The following CACNA1H variants were observed in gnomAD, a reference collection of about 807,000 sequenced individuals.
CACNA1H encodes calcium voltage-gated channel subunit alpha1 H.
Under a neutral mutation model 192.5 loss-of-function variants are expected in CACNA1H, and 149 were observed. That is an observed-to-expected ratio of 0.77 (90% CI 0.68 to 0.89). CACNA1H has a LOEUF of 0.89. Among genes scored for constraint, CACNA1H ranks in the 40% least tolerant of loss-of-function variants. CACNA1H has a pLI of 0.00. For missense variants in CACNA1H, 4,257 were observed against 3,423.5 expected, an observed-to-expected ratio of 1.24 and a Z score of -6.08; for synonymous variants, 2,202 against 1,475.2, an observed-to-expected ratio of 1.49 and a Z score of -11.29.
intron 2 of CACNA1H, among the ~76,000 whole-genome samples, chr16:1,184,649 G>A (rs1399911118): frequency 6.6e-6 from 1 of 152,250 alleles, no homozygotes; most frequent in African/African-American, 2.4e-5. Context: ...TGGCCGGGTG[G>A]GTCTGGGGCA....
intron 31 of CACNA1H, among the ~76,000 whole-genome samples, chr16:1,217,615 C>T (rs911019087): frequency 3.9e-5 from 6 of 152,212 alleles, no homozygotes; most frequent in African/African-American, 1.2e-4. Context: ...TTTGGTCAGC[C>T]GGCGCCTACT....
At chr16:1,203,375 G>A (rs1353506833) in intron 9 of CACNA1H, among the ~76,000 whole-genome samples, 3 of 152,024 alleles carry the variant, frequency 2.0e-5, no homozygotes, top group South Asian at 2.1e-4. Context: ...TGCTGTGGCT[G>A]CTGGGAAGTG....
Position 1,213,880 on chromosome 16 carries a change from C to G in CACNA1H, c.4878C>G (p.Ile1626Met), listed in dbSNP as rs199788717. 2 of 1,611,772 alleles carry G rather than the reference C, an allele frequency of 1.2e-6. No individual in the cohort carries two copies. The highest frequency in any genetic ancestry group is 2.2e-5 in the East Asian group (1 of 44,798). ...ATCTCGACCTCTTCATCACCTTCAT[C>G]ATCTGTGTCAACGTCATCACCATGT... ...SHYLDLFITFIICVNVITMSM... is the reference protein window; with the variant it reads ...SHYLDLFITFMICVNVITMSM... Residue 1626 changes from isoleucine (I) to methionine (M), a missense_variant, in exon 27 of 35, where the codon ATC becomes ATG. Physicochemically the swap from Ile to Met is conservative, Grantham distance 10. Coordinates refer to ENST00000348261, the MANE Select transcript of CACNA1H (RefSeq NM_021098.3).
At chr16:1,173,969 C>T (rs563743868) in intron 2 of CACNA1H, among the ~76,000 whole-genome samples, 7 of 152,134 alleles carry the variant, frequency 4.6e-5, no homozygotes, top group Admixed American at 1.3e-4. Context: ...TGGGACCTCA[C>T]GTCACGTGGG....
rs1373992393 is a variant in CACNA1H at position 1,201,800 on chromosome 16, C to G, written c.1350C>G (p.Phe450Leu). Residue 450 changes from phenylalanine (F) to leucine (L), a missense_variant, in exon 9 of 35, where the codon TTC becomes TTG. Phe to Leu is a conservative substitution (Grantham distance 22). Coordinates refer to ENST00000348261, the MANE Select transcript of CACNA1H (RefSeq NM_021098.3). ...HLSNDSTLAS[F>L]SEPGSCYEEL... ...CCAACGACAGCACGCTGGCCAGCTT[C>G]TCCGAGCCTGGCAGCTGCTACGAAG... 4 of 1,593,894 alleles carry G rather than the reference C, an allele frequency of 2.5e-6. No individual in the cohort carries two copies. The South Asian group carries it at 4.5e-5, about 18-fold the overall frequency.
intron 2 of CACNA1H, among the ~76,000 whole-genome samples, chr16:1,182,063 C>T (rs977091085): frequency 1.3e-5 from 2 of 152,252 alleles, no homozygotes; most frequent in Admixed American, 6.5e-5. Flanking sequence ...GGACACAACG[C>T]TCCCCAGGGT....
chr16:1,194,403 TCA>T (rs918180639), intron 2 of CACNA1H, among the ~76,000 whole-genome samples: 5 of 152,122 alleles, frequency 3.3e-5, no homozygotes, highest in African/African-American at 1.2e-4. Context: ...GGTTCCCTGG[TCA>T]GGGTGGGGCC....
rs969266715 is a variant in CACNA1H at position 1,187,571 on chromosome 16, G to A, written c.300-7401G>A. Among the ~76,000 whole-genome samples the A allele has an allele frequency of 7.9e-5, 12 of 152,350 alleles. No individual in the cohort carries two copies. In the South Asian group the frequency reaches 2.1e-3, roughly 26 times the overall value. Reference sequence around the variant, plus strand: ...CAGATTGCTCTAGGGGACAGCGGGTGGGGCAGGAACGGCCCAGCCTCCCGA... The same window carrying A: ...CAGATTGCTCTAGGGGACAGCGGGTAGGGCAGGAACGGCCCAGCCTCCCGA... On this transcript the variant is annotated intron_variant, in intron 2 of 34. Transcript: ENST00000348261.
In CACNA1H at chr16:1,208,305, G is replaced by A. The variant is rs1201620713; in HGVS notation, c.3363+84G>A. On this transcript the variant is annotated intron_variant, in intron 16 of 34. Transcript: ENST00000348261. ...CTTATGGCCTTCCCTGAAGATGAGT[G>A]AGGGCCGCACCCCCCACACCCTTGA... 4.2e-6 allele frequency: 4 copies of A among 944,788 alleles called. No homozygotes were observed. In the African/African-American group the frequency reaches 6.6e-5, roughly 15 times the overall value. 58.5% of individuals were successfully genotyped at this position (944,788 alleles called of 1,614,324 possible). A position where few individuals can be genotyped will look rare whatever the true frequency, so the allele number is the denominator to read the frequency against.
chr16:1,206,933 T>TCCC, intron 12 of CACNA1H, 68 bp from the exon 13 acceptor site: 5 of 63,684 alleles, frequency 7.9e-5, no homozygotes, highest in East Asian at 5.1e-4. Flanking sequence ...CCCCTCCCGC[T>TCCC]CCCCCACCTT....
intron 8 of CACNA1H, 125 bp from the exon 9 acceptor site, chr16:1,201,538 C>A: frequency 8.6e-7 from 1 of 1,169,384 alleles, no homozygotes. Context: ...CTGCCCATAG[C>A]AGGGCACCTC....
chr16:1,197,541 CATA>C (rs1435626231), intron 5 of CACNA1H, among the ~76,000 whole-genome samples: 2 of 152,252 alleles, frequency 1.3e-5, no homozygotes, highest in Admixed American at 1.3e-4. Flanking sequence ...ATACGCTTCT[CATA>C]ATGAGGACAC....
At chr16:1,184,432 C>T (rs1233423412) in intron 2 of CACNA1H, among the ~76,000 whole-genome samples, 1 of 152,240 alleles carries the variant, frequency 6.6e-6, no homozygotes, top group Non-Finnish European at 1.5e-5. Flanking sequence ...AGCAGCTGTC[C>T]TGTCTTTGAG....
intron 27 of CACNA1H, 91 bp downstream of exon 27, chr16:1,214,022 C>A: frequency 8.8e-7 from 1 of 1,136,026 alleles, no homozygotes; most frequent in Non-Finnish European, 1.3e-6. Flanking sequence ...ACCGGCGCTC[C>A]GCTGAGCCCT....
At position 1,218,582 on chromosome 16, in the gene CACNA1H, G is replaced by T; in HGVS notation, c.5818G>T (p.Ala1940Ser). ...DSYMFRPVVP[A>S]SAPHPRPLQE... is the part of the protein sequence containing the mutation. ...CTACATGTTCAGGCCCGTGGTGCCT[G>T]CCTCGGCGCCCCACCCCCGCCCGCT... The change falls in exon 33 of 35, where the codon GCC (alanine) becomes TCC (serine). Residue 1940 changes from alanine (A) to serine (S), a missense_variant. Ala to Ser is a moderately conservative substitution (Grantham distance 99). Transcript: ENST00000348261. 1 of 1,565,414 alleles carries T rather than the reference G, an allele frequency of 6.4e-7. No individual in the cohort carries two copies. Among genetic ancestry groups the T allele is most frequent in the Non-Finnish European group, 8.7e-7 (1 of 1,155,278 alleles).
intron 17 of CACNA1H, 73 bp downstream of exon 17, chr16:1,209,485 T>G: frequency 6.4e-7 from 1 of 1,553,236 alleles, no homozygotes; most frequent in East Asian, 2.3e-5. Context: ...AAGTGGGGTT[T>G]GAGATGGGAT....
chr16:1,200,802 C>A lies in CACNA1H; in HGVS notation c.1206C>A (p.Leu402=). The change falls in exon 8 of 35, where the codon CTC becomes CTA. Residue 402 remains leucine (L), a synonymous_variant. Transcript: ENST00000348261. The part of the protein sequence containing the change: ...SFYNFIYFIL[L]IIVGSFFMIN... ...ACAACTTCATCTATTTCATCCTGCT[C>A]ATCATCGTGAGTGTGGGCGGCAGTG... 2 of 1,551,338 alleles carry A rather than the reference C, an allele frequency of 1.3e-6. No individual in the cohort carries two copies. Among genetic ancestry groups the A allele is most frequent in the Non-Finnish European group, 1.7e-6 (2 of 1,146,904 alleles).
chr16:1,193,307 G>A lies in CACNA1H; in HGVS notation c.300-1665G>A, dbSNP rs892967596. 3.9e-5 allele frequency among the ~76,000 whole-genome samples: 6 copies of A among 152,256 alleles called. No homozygotes were observed. The East Asian group carries it at 5.8e-4, about 15-fold the overall frequency. ...GGTGCCCGAGGCTGGGGGCGGAGCCGCCATCCACCATCGCTCCCTTGCACT... is the reference window on the plus strand; with the variant it reads ...GGTGCCCGAGGCTGGGGGCGGAGCCACCATCCACCATCGCTCCCTTGCACT... On this transcript the variant is annotated intron_variant, in intron 2 of 34. Transcript: ENST00000348261.
Position 1,220,134 on chromosome 16 carries a change from C to G in CACNA1H, c.6202C>G (p.Arg2068Gly). 6.7e-7 allele frequency: 1 copy of G among 1,499,078 alleles called. No homozygotes were observed. The highest frequency in any genetic ancestry group is 2.5e-5 in the East Asian group (1 of 39,266). The allele number at this position is 1,499,078 out of a possible 1,614,324, so 92.9% of individuals were successfully genotyped here. ...ACGCTCCCCACGGCCCGCCAGCGTC[C>G]GCACTCGTAAGCATACCTTCGGACA... The part of the protein sequence containing the change: ...PPRSPRPASV[R>G]TRKHTFGQRC... Residue 2068 changes from arginine (R) to glycine (G), a missense_variant, in exon 35 of 35, where the codon CGC becomes GGC. Transcript: ENST00000348261.
Sources: gnomAD v4.1 joint callset for allele counts (sites outside exome capture counted in the v4.1 genomes callset) on GRCh38, gnomAD v4.1.1 for gene constraint, MANE v1.5 for transcripts, NCBI Gene and HGNC (gene_info 2026-07-23, HGNC 2026-07-21) for gene names.